Variants in PRKAG2 observed in about 807,000 individuals in gnomAD.
The protein encoded by PRKAG2 is protein kinase AMP-activated non-catalytic subunit gamma 2.
A neutral mutation model predicts 69.6 loss-of-function variants in PRKAG2; 26 were observed. The ratio of observed to expected loss-of-function variants is 0.37; its 90% CI spans 0.27 to 0.52. The LOEUF is 0.52. Among genes scored for constraint, PRKAG2 ranks in the 20% least tolerant of loss-of-function variants. PRKAG2 has a pLI of 0.90. For missense variants in PRKAG2, 557 were observed against 740.0 expected, an observed-to-expected ratio of 0.75 and a Z score of 2.87; for synonymous variants, 293 against 285.0, an observed-to-expected ratio of 1.03 and a Z score of -0.28.
intron 4 of PRKAG2, among the ~76,000 whole-genome samples, chr7:151,655,083 G>A (rs1034359880): frequency 5.9e-5 from 9 of 152,132 alleles, no homozygotes; most frequent in Admixed American, 5.9e-4. Context: ...TATTACTCGG[G>A]AAATATGTGA....
chr7:151,866,179 C>T (rs552116183), intron 1 of PRKAG2, among the ~76,000 whole-genome samples: 1 of 152,284 alleles, frequency 6.6e-6, no homozygotes, highest in Admixed American at 6.5e-5. Context: ...CGAAGGGAGG[C>T]AGCAGACGCC....
chr7:151,673,555 A>G (rs1005954136), intron 4 of PRKAG2, among the ~76,000 whole-genome samples: 2 of 152,234 alleles, frequency 1.3e-5, no homozygotes, highest in Admixed American at 6.5e-5. Context: ...GGCAGGAACA[A>G]TAACTTGCAG....
intron 1 of PRKAG2, among the ~76,000 whole-genome samples, chr7:151,842,037 T>TG (rs1207481166): frequency 1.4e-5 from 2 of 138,980 alleles, no homozygotes; most frequent in African/African-American, 2.8e-5. Flanking sequence ...ATGGTAGTGA[T>TG]GGTAGTGATG....
At chr7:151,665,457 A>G (rs149422007) in intron 4 of PRKAG2, among the ~76,000 whole-genome samples, 1 of 152,316 alleles carries the variant, frequency 6.6e-6, no homozygotes, top group Non-Finnish European at 1.5e-5. Flanking sequence ...TCATTGAGTC[A>G]TGATTCCAAC....
intron 6 of PRKAG2, among the ~76,000 whole-genome samples, chr7:151,589,473 T>C (rs564871655): frequency 6.6e-6 from 1 of 152,364 alleles, no homozygotes; most frequent in East Asian, 1.9e-4. Flanking sequence ...CAGCTGATGC[T>C]GAAGCTGCTA....
chr7:151,619,248 G>A (rs567036596), intron 5 of PRKAG2, among the ~76,000 whole-genome samples: 1 of 152,362 alleles, frequency 6.6e-6, no homozygotes, highest in East Asian at 1.9e-4. Flanking sequence ...ACCCAGTGAT[G>A]AAGCTGGAGA....
chr7:151,572,754 T>C (rs374396077), intron 8 of PRKAG2, 45 bp from the exon 9 acceptor site: 34 of 1,149,956 alleles, frequency 3.0e-5, no homozygotes, highest in South Asian at 1.6e-4. Context: ...ATATACAACA[T>C]AGAAAAAATA....
At chr7:151,697,749 C>T (rs369607770) in intron 3 of PRKAG2, among the ~76,000 whole-genome samples, 9 of 152,084 alleles carry the variant, frequency 5.9e-5, no homozygotes, top group Non-Finnish European at 1.3e-4. Context: ...AGGCAGGTGC[C>T]GGGAGCAGAC....
At chr7:151,874,375 G>GTATAAGCCATAC (rs1237992943) in intron 1 of PRKAG2, among the ~76,000 whole-genome samples, 5 of 56,964 alleles carry the variant, frequency 8.8e-5, no homozygotes, top group East Asian at 4.3e-4. Flanking sequence ...ATATGTATAT[G>GTATAAGCCATAC]ATGTATATGT....
In PRKAG2 at chr7:151,874,434, T is replaced by C. The variant is rs199702140; in HGVS notation, c.114+2073A>G. Among the ~76,000 whole-genome samples, 4 of 37,330 alleles carry C rather than the reference T, an allele frequency of 1.1e-4. No homozygotes were observed. The East Asian group carries it at 1.9e-3, about 18-fold the overall frequency. The allele number at this position is 37,330 out of a possible 152,430, so 24.5% of individuals were successfully genotyped here. On this transcript the variant is annotated intron_variant, in intron 1 of 15. Coordinates refer to ENST00000287878, the MANE Select transcript of PRKAG2 (RefSeq NM_016203.4). ...ATGATGTATATGTATATGTATATGATGTATATGTATATGTATATGATGTAT... is the reference window on the plus strand; with the variant it reads ...ATGATGTATATGTATATGTATATGACGTATATGTATATGTATATGATGTAT...
intron 1 of PRKAG2, among the ~76,000 whole-genome samples, chr7:151,824,722 C>G (rs1216863098): frequency 6.6e-6 from 1 of 152,160 alleles, no homozygotes; most frequent in Non-Finnish European, 1.5e-5. Context: ...AAAGCAGAGC[C>G]CCAGCTGTCG....
chr7:151,807,295 A>G lies in PRKAG2; in HGVS notation c.115-20754T>C, dbSNP rs562695019. The G allele has an allele frequency of 6.9e-5, 28 of 405,868 alleles. No individual in the cohort carries two copies. Among genetic ancestry groups the G allele is most frequent in the African/African-American group, 4.9e-4 (24 of 48,910 alleles). The allele number at this position is 405,868 out of a possible 1,614,324, so 25.1% of individuals were successfully genotyped here. ...AGCAGACCCATGGGATAGGGGAAGA[A>G]AAACAAGCAATCTACAGAACGTGGG... On this transcript the variant is annotated intron_variant, in intron 1 of 15. Transcript: ENST00000287878. The surrounding 1 kb of genome is among the most constrained non-coding windows in gnomAD (Gnocchi z 4.4).
intron 5 of PRKAG2, among the ~76,000 whole-genome samples, chr7:151,623,964 G>A (rs1396363791): frequency 6.6e-6 from 1 of 152,140 alleles, no homozygotes; most frequent in Non-Finnish European, 1.5e-5. Flanking sequence ...CCAAGAAAAT[G>A]TGGAAAATGA....
intron 1 of PRKAG2, among the ~76,000 whole-genome samples, chr7:151,832,397 T>C (rs888412973): frequency 6.6e-6 from 1 of 152,026 alleles, no homozygotes; most frequent in Non-Finnish European, 1.5e-5. Context: ...TTCTGGGCAG[T>C]GTTCACAGTG....
At chr7:151,600,690 G>C (rs1162258752) in intron 5 of PRKAG2, among the ~76,000 whole-genome samples, 1 of 152,074 alleles carries the variant, frequency 6.6e-6, no homozygotes, top group African/African-American at 2.4e-5. Context: ...TAAGCAAACG[G>C]TCTCCCTGTC....
At chr7:151,558,870 C>T (rs1023001249) in intron 15 of PRKAG2, 1 of 985,280 alleles carries the variant, frequency 1.0e-6, no homozygotes, top group African/African-American at 1.7e-5. Context: ...TCCAGCACAA[C>T]CGTTCATTCT....
intron 6 of PRKAG2, among the ~76,000 whole-genome samples, chr7:151,580,817 G>A (rs1214169264): frequency 6.0e-5 from 9 of 149,702 alleles, no homozygotes; most frequent in Admixed American, 6.0e-4. Context: ...GGGTGGGTGC[G>A]GGGAGGAAGT....
intron 5 of PRKAG2, among the ~76,000 whole-genome samples, chr7:151,623,362 T>TA (rs1821976880): frequency 7.0e-5 from 1 of 14,242 alleles, no homozygotes; most frequent in African/African-American, 3.0e-4. Context: ...AGACTCTGTC[T>TA]CAAAAAAAAA....
chr7:151,577,622 C>T (rs1386179383), intron 6 of PRKAG2, among the ~76,000 whole-genome samples: 1 of 152,072 alleles, frequency 6.6e-6, no homozygotes, highest in Non-Finnish European at 1.5e-5. Context: ...GCTTGTGCAA[C>T]AGCTTTTTCT....
Sources: allele counts gnomAD v4.1 joint callset (sites outside exome capture counted in the v4.1 genomes callset), GRCh38; gene constraint gnomAD v4.1.1; non-coding constraint Gnocchi (gnomAD v3.1); transcripts MANE v1.5; gene names NCBI Gene and HGNC (gene_info 2026-07-23, HGNC 2026-07-21).